Variants in PARVB observed in about 807,000 individuals in gnomAD.
PARVB encodes the protein parvin beta, also known as beta-parvin.
In PARVB, 46 loss-of-function variants were observed where a neutral mutation model predicts 47.0. The observed-to-expected ratio is 0.98, with a 90% CI of 0.77 to 1.25. The LOEUF is 1.25. Ranked by LOEUF, PARVB falls within the 50% of genes most tolerant of loss-of-function variation. The probability of loss-of-function intolerance (pLI) is 0.00; values close to 1 mark genes in which losing one functional copy is unlikely to be tolerated. For synonymous variants in PARVB, 196 were observed against 196.3 expected (o/e 1.00, Z 0.01); for missense variants, 473 against 471.6 (o/e 1.00, Z -0.03).
chr22:44,003,068 A>G (rs2050428796), intron 2 of PARVB, among the ~76,000 whole-genome samples: 1 of 152,106 alleles, frequency 6.6e-6, no homozygotes, highest in Admixed American at 6.5e-5. Context: ...TCTTCCCCGT[A>G]CTTCCCCCGT....
chr22:44,027,105 C>G (rs759221198), intron 1 of PARVB, among the ~76,000 whole-genome samples: 25 of 151,906 alleles, frequency 1.6e-4, no homozygotes, highest in Non-Finnish European at 3.2e-4. Context: ...GGAACTGTGA[C>G]GAACTGTGGG....
At chr22:44,134,494 C>T (rs962610797) in intron 6 of PARVB, among the ~76,000 whole-genome samples, 2 of 152,156 alleles carry the variant, frequency 1.3e-5, no homozygotes, top group Admixed American at 1.3e-4. Context: ...ATAATCTTTG[C>T]GGTTTGCAGA....
At position 44,119,076 on chromosome 22, in the gene PARVB, G is replaced by C. The variant is rs2052980438; in HGVS notation, c.312G>C (p.Glu104Asp). 2 of 1,614,194 alleles carry C rather than the reference G, an allele frequency of 1.2e-6. No homozygotes were observed. The highest frequency in any genetic ancestry group is 1.7e-6 in the Non-Finnish European group (2 of 1,180,010). ...GGATTAATGACGTGCTGGTGGAGGA[G>C]AGGATCATTGTGAAGCAGCTGGAGG... Reference protein sequence around the residue: ...LDWINDVLVEERIIVKQLEED... With the variant: ...LDWINDVLVEDRIIVKQLEED... Residue 104 changes from glutamate to aspartate, a missense_variant, in exon 4 of 13, where the codon GAG becomes GAC. Coordinates refer to ENST00000338758, the MANE Select transcript of PARVB (RefSeq NM_013327.5).
intron 1 of PARVB, among the ~76,000 whole-genome samples, chr22:44,066,195 C>T (rs62226421): frequency 3.5e-4 from 53 of 152,248 alleles, no homozygotes; most frequent in Non-Finnish European, 6.6e-4. Context: ...TACCGTTTTT[C>T]TGAAATACTT....
chr22:44,101,471 C>T (rs958429093), intron 3 of PARVB, among the ~76,000 whole-genome samples: 6 of 149,128 alleles, frequency 4.0e-5, no homozygotes, highest in Admixed American at 6.6e-5. Context: ...ACATTGAGAC[C>T]GGGCGCAGTG....
chr22:44,078,783 G>A (rs1170919858), intron 1 of PARVB, among the ~76,000 whole-genome samples: 2 of 152,140 alleles, frequency 1.3e-5, no homozygotes, highest in Non-Finnish European at 2.9e-5. Context: ...GGAGTGCAAT[G>A]GCGAGATCTC....
At chr22:44,101,575 C>A (rs1042067816) in intron 3 of PARVB, among the ~76,000 whole-genome samples, 1 of 151,842 alleles carries the variant, frequency 6.6e-6, no homozygotes, top group Non-Finnish European at 1.5e-5. Context: ...CATGGTGAAA[C>A]CCTGTCTCTA....
rs1162899137 is a variant in PARVB, at chr22:44,172,844, C to G, written c.*4166C>G. On this transcript the variant is annotated 3_prime_UTR_variant, in exon 13 of 13. Transcript: ENST00000338758. ...CGCTTTTCAGGAGCTCACTGCAACA[C>G]CGGGCAAACACTTCTTCCGCCAGGG... 1 of 697,408 alleles carries G rather than the reference C, an allele frequency of 1.4e-6. No individual in the cohort carries two copies. Among genetic ancestry groups the G allele is most frequent in the Non-Finnish European group, 2.1e-6 (1 of 487,242 alleles). 43.2% of individuals were successfully genotyped at this position (697,408 alleles called of 1,614,324 possible). A position where few individuals can be genotyped will look rare whatever the true frequency, so the allele number is the denominator to read the frequency against.
chr22:44,077,310 A>C (rs991812547), intron 1 of PARVB, among the ~76,000 whole-genome samples: 2 of 151,880 alleles, frequency 1.3e-5, no homozygotes, highest in Non-Finnish European at 2.9e-5. Context: ...CTCCCTCTTC[A>C]CGTGGGCCTC....
intron 1 of PARVB, among the ~76,000 whole-genome samples, chr22:44,027,397 G>T (rs1343371584): frequency 6.6e-6 from 1 of 152,174 alleles, no homozygotes; most frequent in African/African-American, 2.4e-5. Context: ...GAAGAGGTCG[G>T]GTGGAGTGCT....
chr22:44,023,328 T>A (rs1306180286), upstream of PARVB, among the ~76,000 whole-genome samples: 1 of 151,654 alleles, frequency 6.6e-6, no homozygotes, highest in Non-Finnish European at 1.5e-5. Context: ...CTGGCCAACA[T>A]GGCAAAACCG....
At chr22:44,074,694 A>G (rs1174529232) in intron 1 of PARVB, among the ~76,000 whole-genome samples, 2 of 152,102 alleles carry the variant, frequency 1.3e-5, no homozygotes, top group African/African-American at 4.8e-5. Context: ...ACATTAGACA[A>G]TGTTCACTGC....
At chr22:44,013,884 C>T (rs780510955) in intron 2 of PARVB, among the ~76,000 whole-genome samples, 10 of 152,166 alleles carry the variant, frequency 6.6e-5, no homozygotes, top group African/African-American at 1.9e-4. Flanking sequence ...CTGCCCACCT[C>T]GGCCTCCCAA....
intron 1 of PARVB, chr22:44,026,193 C>T: frequency 2.4e-6 from 1 of 408,704 alleles, no homozygotes; most frequent in Non-Finnish European, 3.3e-6. Flanking sequence ...TTCCAAAGTA[C>T]GCAGTGCTTC....
chr22:44,003,682 G>C lies in PARVB; in HGVS notation c.211+4009G>C, dbSNP rs181797351. On this transcript the variant is annotated intron_variant, in intron 2 of 13. Coordinates refer to the PARVB transcript ENST00000406477. ...GGTGGGGAGCAGGAAACCTTGTGTTGGGGTGGAAAGAGCCTGTGTTTAGGA... is the reference window on the plus strand; with the variant it reads ...GGTGGGGAGCAGGAAACCTTGTGTTCGGGTGGAAAGAGCCTGTGTTTAGGA... Among the ~76,000 whole-genome samples, 6 of 152,304 alleles carry C rather than the reference G, an allele frequency of 3.9e-5. No homozygotes were observed. The East Asian group carries it at 7.7e-4, about 20-fold the overall frequency.
intron 8 of PARVB, chr22:44,146,304 C>T (rs2053674956): frequency 6.7e-6 from 1 of 149,150 alleles, no homozygotes; most frequent in Admixed American, 6.7e-5. Flanking sequence ...CACACGCACA[C>T]ACGTGCTCAC....
At chr22:44,081,681 C>T in intron 1 of PARVB, 2 of 949,188 alleles carry the variant, frequency 2.1e-6, no homozygotes, top group Non-Finnish European at 2.5e-6. Flanking sequence ...TGGAAGTGAG[C>T]AGCGGGTTCC....
At position 44,170,961 on chromosome 22, in the gene PARVB, T is replaced by C. The variant is rs1033003890; in HGVS notation, c.*2283T>C. The C allele has an allele frequency of 4.6e-5, 7 of 152,204 alleles. No homozygotes were observed. The highest frequency in any genetic ancestry group is 1.2e-4 in the African/African-American group (5 of 41,450). 9.4% of individuals were successfully genotyped at this position (152,204 alleles called of 1,614,324 possible). ...GATGGGTTCAGAATAGCCATTTTGA[T>C]GGAGGTGATTTCCCAGCAGGGGAAA... On this transcript the variant is annotated 3_prime_UTR_variant, in exon 13 of 13. Transcript: ENST00000338758.
Position 44,008,774 on chromosome 22 carries a change from A to G in PARVB, c.211+9101A>G, listed in dbSNP as rs577792687. 1.3e-4 allele frequency among the ~76,000 whole-genome samples: 20 copies of G among 152,118 alleles called. No homozygotes were observed. The South Asian group carries it at 4.2e-3, about 32-fold the overall frequency. On this transcript the variant is annotated intron_variant, in intron 2 of 13. Coordinates refer to the PARVB transcript ENST00000406477. ...GCCGAGGCAGGCGGATCACGAGGTC[A>G]GGAAATCGAGATCATCATGGCTAAC...
Sources: gnomAD v4.1 joint callset for allele counts (sites outside exome capture counted in the v4.1 genomes callset) on GRCh38, gnomAD v4.1.1 for gene constraint, MANE v1.5 for transcripts, NCBI Gene and HGNC (gene_info 2026-07-23, HGNC 2026-07-21) for gene names.